The following NLGN1 variants were observed in gnomAD, a reference collection of about 807,000 sequenced individuals.
The protein encoded by NLGN1 is neuroligin 1, also known as neuroligin-1.
Under a neutral mutation model 65.5 loss-of-function variants are expected in NLGN1, and 12 were observed. The observed-to-expected ratio is 0.18, with a 90% CI of 0.12 to 0.30. NLGN1 has a LOEUF of 0.30. Ranked by LOEUF, NLGN1 falls within the 10% of genes least tolerant of loss-of-function variation. The pLI, the probability that NLGN1 is intolerant of heterozygous loss-of-function variation, is 1.00. For missense variants in NLGN1, 750 were observed against 1,007.1 expected, an observed-to-expected ratio of 0.74 and a Z score of 3.46; for synonymous variants, 350 against 359.5, an observed-to-expected ratio of 0.97 and a Z score of 0.30.
intron 2 of NLGN1, among the ~76,000 whole-genome samples, chr3:173,570,624 G>T (rs1331697568): frequency 1.3e-5 from 2 of 152,132 alleles, no homozygotes; most frequent in Non-Finnish European, 2.9e-5. Flanking sequence ...GAACTTGGTG[G>T]CCAGAGCTCT....
At chr3:173,515,799 C>T (rs1464902934) in intron 2 of NLGN1, among the ~76,000 whole-genome samples, 2 of 151,952 alleles carry the variant, frequency 1.3e-5, no homozygotes, top group African/African-American at 4.8e-5. Flanking sequence ...TTTTTATACT[C>T]GTAGCCCTCA....
chr3:174,246,218 A>G (rs1743761021), intron 4 of NLGN1, among the ~76,000 whole-genome samples: 1 of 152,154 alleles, frequency 6.6e-6, no homozygotes, highest in South Asian at 2.1e-4. Context: ...TTCCCACTAC[A>G]TTTTTACTTA....
Position 174,039,241 on chromosome 3 carries a change from A to G in NLGN1, c.646+231409A>G, listed in dbSNP as rs1391799550. Among the ~76,000 whole-genome samples, 3 of 151,904 alleles carry G rather than the reference A, an allele frequency of 2.0e-5. No homozygotes were observed. The East Asian group carries it at 5.8e-4, about 29-fold the overall frequency. On this transcript the variant is annotated intron_variant, in intron 4 of 6. Transcript: ENST00000457714. ...CAGAACATAATATATATATATAAAT[A>G]TAAAATTTTTATTTTTTAATCTTTT...
At chr3:174,114,455 CG>C (rs1485899858) in intron 4 of NLGN1, among the ~76,000 whole-genome samples, 1 of 151,998 alleles carries the variant, frequency 6.6e-6, no homozygotes, top group African/African-American at 2.4e-5. Flanking sequence ...TCAAAACTCC[CG>C]GAAGTGCTCT....
intron 2 of NLGN1, among the ~76,000 whole-genome samples, chr3:173,523,606 T>A (rs1405022170): frequency 6.6e-6 from 1 of 151,744 alleles, no homozygotes; most frequent in African/African-American, 2.4e-5. Context: ...TCTGTTCCGT[T>A]GGTCTGTGTG....
intron 4 of NLGN1, among the ~76,000 whole-genome samples, chr3:174,174,295 G>A (rs1378202409): frequency 6.6e-6 from 1 of 151,990 alleles, no homozygotes; most frequent in African/African-American, 2.4e-5. Flanking sequence ...GTGTGTTCAA[G>A]TATCTTTTTA....
intron 4 of NLGN1, among the ~76,000 whole-genome samples, chr3:173,881,597 T>C (rs1248804625): frequency 6.6e-6 from 1 of 151,518 alleles, no homozygotes; most frequent in African/African-American, 2.4e-5. Flanking sequence ...GCTAATTTTT[T>C]GTGTGTTTTT....
intron 4 of NLGN1, among the ~76,000 whole-genome samples, chr3:174,140,926 G>T (rs900588139): frequency 4.6e-5 from 7 of 152,044 alleles, no homozygotes; most frequent in African/African-American, 1.7e-4. Flanking sequence ...TTTGGGAATT[G>T]ATGTTAGAAA....
intron 3 of NLGN1, among the ~76,000 whole-genome samples, chr3:173,696,347 T>C (rs1766218745): frequency 3.3e-5 from 5 of 152,306 alleles, no homozygotes; most frequent in African/African-American, 1.2e-4. Context: ...CTTCTCCTTG[T>C]AGCATAGTGG....
In NLGN1 at chr3:173,811,137, A is replaced by C. The variant is rs79160900; in HGVS notation, c.646+3305A>C. ...TTGTCCTCAGCCAGTTTTGACATAAACTTTCCATATTTGCTTTCTTCAGCA... is the reference window on the plus strand; with the variant it reads ...TTGTCCTCAGCCAGTTTTGACATAACCTTTCCATATTTGCTTTCTTCAGCA... On this transcript the variant is annotated intron_variant, in intron 4 of 6. Coordinates refer to ENST00000457714, the Ensembl canonical transcript of NLGN1. 3.7e-3 allele frequency among the ~76,000 whole-genome samples: 559 copies of C among 152,272 alleles called. 8 individuals are homozygous for C. Among genetic ancestry groups the C allele is most frequent in the African/African-American group, 0.013 (524 of 41,560 alleles).
chr3:173,949,285 A>G lies in NLGN1; in HGVS notation c.646+141453A>G, dbSNP rs1053993032. Reference sequence around the variant, plus strand: ...TTGGCTGCAAAAAGGGGCTTTATGTATGATGCAGCCTTTAGTCATTTTTCT... The same window carrying G: ...TTGGCTGCAAAAAGGGGCTTTATGTGTGATGCAGCCTTTAGTCATTTTTCT... On this transcript the variant is annotated intron_variant, in intron 4 of 6. Coordinates refer to ENST00000457714, the Ensembl canonical transcript of NLGN1. 2.0e-5 allele frequency among the ~76,000 whole-genome samples: 3 copies of G among 152,178 alleles called. No homozygotes were observed. In the East Asian group the frequency reaches 5.8e-4, roughly 29 times the overall value.
chr3:173,649,470 A>G (rs1040256810), intron 3 of NLGN1, among the ~76,000 whole-genome samples: 2 of 152,118 alleles, frequency 1.3e-5, no homozygotes, highest in African/African-American at 4.8e-5. Context: ...AATATGCGCA[A>G]TTTTTTATGT....
intron 4 of NLGN1, among the ~76,000 whole-genome samples, chr3:174,152,102 CT>C (rs560515124): frequency 7.6e-4 from 116 of 152,100 alleles, no homozygotes; most frequent in Non-Finnish European, 1.1e-3. Context: ...TATTTGTCTT[CT>C]TCTGAATTTC....
intron 2 of NLGN1, among the ~76,000 whole-genome samples, chr3:173,495,680 G>GAA (rs5854510): frequency 0.44 from 57,324 of 129,632 alleles, 14,331 homozygotes; most frequent in East Asian, 0.78. Context: ...AGTCTTTTTT[G>GAA]AAAAAAAAAA....
intron 2 of NLGN1, among the ~76,000 whole-genome samples, chr3:173,482,517 A>G (rs1194890268): frequency 6.6e-6 from 1 of 151,866 alleles, no homozygotes; most frequent in Admixed American, 6.6e-5. Flanking sequence ...ATTATAAAAC[A>G]TTTCTTGATT....
At chr3:173,649,345 A>G (rs1433533256) in intron 3 of NLGN1, among the ~76,000 whole-genome samples, 1 of 152,126 alleles carries the variant, frequency 6.6e-6, no homozygotes, top group Non-Finnish European at 1.5e-5. Context: ...TAACTATTAC[A>G]TGTTACAAGT....
At chr3:174,064,917 A>G (rs1738194388) in intron 4 of NLGN1, among the ~76,000 whole-genome samples, 1 of 151,146 alleles carries the variant, frequency 6.6e-6, no homozygotes, top group Non-Finnish European at 1.5e-5. Flanking sequence ...AGTAAGTACT[A>G]TATAAATGTT....
At chr3:173,659,945 A>G (rs1456086755) in intron 3 of NLGN1, among the ~76,000 whole-genome samples, 1 of 151,930 alleles carries the variant, frequency 6.6e-6, no homozygotes, top group African/African-American at 2.4e-5. Flanking sequence ...TGACTCCTGA[A>G]AGTCATAGGT....
intron 4 of NLGN1, among the ~76,000 whole-genome samples, chr3:174,077,682 A>C (rs1292712687): frequency 1.3e-5 from 2 of 152,016 alleles, no homozygotes; most frequent in African/African-American, 4.8e-5. Context: ...CAGCCTCCTG[A>C]GTAGCTGAGA....
Sources: allele counts gnomAD v4.1 joint callset (sites outside exome capture counted in the v4.1 genomes callset), GRCh38; gene constraint gnomAD v4.1.1; transcripts MANE v1.5; gene names NCBI Gene and HGNC (gene_info 2026-07-23, HGNC 2026-07-21).